The following PHF20L1 variants were observed in gnomAD, a reference collection of about 807,000 sequenced individuals.
The protein encoded by PHF20L1 is PHD finger protein 20-like protein 1.
Under a neutral mutation model 125.5 loss-of-function variants are expected in PHF20L1, and 44 were observed. The observed-to-expected ratio is 0.35, with a 90% CI of 0.28 to 0.45. The LOEUF (loss-of-function observed/expected upper bound fraction) is 0.45. PHF20L1 is among the 20% of genes least tolerant of loss of function. The pLI, the probability that PHF20L1 is intolerant of heterozygous loss-of-function variation, is 1.00. For synonymous variants in PHF20L1, 380 were observed against 403.1 expected, an observed-to-expected ratio of 0.94 and a Z score of 0.69; for missense variants, 1,012 against 1,217.2, an observed-to-expected ratio of 0.83 and a Z score of 2.51.
intron 14 of PHF20L1, 90 bp from the exon 15 acceptor site, chr8:132,832,145 T>C: frequency 1.3e-6 from 1 of 798,962 alleles, no homozygotes; most frequent in Non-Finnish European, 2.1e-6. Context: ...GATTATTTGG[T>C]GTATCCTGAA....
At chr8:132,802,425 C>T (rs1254186038) in intron 6 of PHF20L1, among the ~76,000 whole-genome samples, 1 of 151,676 alleles carries the variant, frequency 6.6e-6, no homozygotes. Context: ...TTGCATTAGT[C>T]TTTCTCTTCA....
intron 1 of PHF20L1, among the ~76,000 whole-genome samples, chr8:132,775,863 C>T (rs888104034): frequency 6.6e-6 from 1 of 152,178 alleles, no homozygotes; most frequent in Non-Finnish European, 1.5e-5. Flanking sequence ...GAGGCTTCTC[C>T]AGCTCCCTGC....
intron 2 of PHF20L1, among the ~76,000 whole-genome samples, chr8:132,791,689 A>C (rs1306351592): frequency 6.6e-6 from 1 of 152,234 alleles, no homozygotes; most frequent in African/African-American, 2.4e-5. Flanking sequence ...AACACCTTTA[A>C]GATTCAAAAT....
intron 6 of PHF20L1, 194 bp from the exon 7 acceptor site, chr8:132,803,625 A>G (rs1833347549): frequency 1.9e-6 from 1 of 534,120 alleles, no homozygotes. Flanking sequence ...GAGGTTATGC[A>G]ATCTAACTCA....
chr8:132,788,316 A>G (rs1252639033), intron 2 of PHF20L1, among the ~76,000 whole-genome samples: 1 of 152,192 alleles, frequency 6.6e-6, no homozygotes, highest in East Asian at 1.9e-4. Flanking sequence ...TGGCTTATCC[A>G]TATAAACAAG....
At chr8:132,804,782 G>T in intron 8 of PHF20L1, 42 bp downstream of exon 8, 1 of 1,515,278 alleles carries the variant, frequency 6.6e-7, no homozygotes. Context: ...GGAAATGGAA[G>T]GTTTAATTTT....
At chr8:132,821,388 G>A (rs963864616) in intron 12 of PHF20L1, among the ~76,000 whole-genome samples, 1 of 151,876 alleles carries the variant, frequency 6.6e-6, no homozygotes. Context: ...TCTAAGTATG[G>A]CAAAAAAGCA....
intron 1 of PHF20L1, among the ~76,000 whole-genome samples, chr8:132,776,615 C>T (rs943724034): frequency 6.6e-6 from 1 of 152,162 alleles, no homozygotes; most frequent in Non-Finnish European, 1.5e-5. Context: ...AGTATTGATG[C>T]TATTTTTTCC....
At chr8:132,806,542 T>G (rs1289547680) in intron 8 of PHF20L1, 3 of 152,016 alleles carry the variant, frequency 2.0e-5, no homozygotes, top group Non-Finnish European at 2.9e-5. Context: ...CTTAGAAAAT[T>G]TAAGTGTGTG....
chr8:132,834,032 G>A (rs183618124), intron 15 of PHF20L1, among the ~76,000 whole-genome samples: 1 of 152,164 alleles, frequency 6.6e-6, no homozygotes, highest in South Asian at 2.1e-4. Flanking sequence ...ACAATTTAAG[G>A]GGTAGTTGCT....
At chr8:132,812,583 T>G (rs917831736) in intron 9 of PHF20L1, 1 of 983,622 alleles carries the variant, frequency 1.0e-6, no homozygotes, top group African/African-American at 1.7e-5. Context: ...TGTAAATTAT[T>G]TTAGATTTTC....
chr8:132,778,591 G>T (rs144171500), intron 2 of PHF20L1, among the ~76,000 whole-genome samples: 370 of 152,306 alleles, frequency 2.4e-3, no homozygotes, highest in African/African-American at 8.5e-3. Context: ...GTTAGGAAAA[G>T]TTGATGAATT....
At chr8:132,776,442 C>G (rs1316069251) in intron 1 of PHF20L1, among the ~76,000 whole-genome samples, 4 of 152,196 alleles carry the variant, frequency 2.6e-5, no homozygotes, top group Non-Finnish European at 4.4e-5. Flanking sequence ...CTGACAAGAC[C>G]TCTATTAAAA....
chr8:132,824,965 TCTTA>T, intron 13 of PHF20L1: 1 of 1,276,334 alleles, frequency 7.8e-7, no homozygotes, highest in Non-Finnish European at 1.0e-6. Flanking sequence ...GAGTTTAACT[TCTTA>T]CCACATCAGG....
intron 2 of PHF20L1, among the ~76,000 whole-genome samples, chr8:132,786,326 A>G (rs565635292): frequency 1.3e-5 from 2 of 152,176 alleles, no homozygotes; most frequent in South Asian, 2.1e-4. Context: ...AGACATTTTA[A>G]TAATAAAACA....
chr8:132,781,229 C>T (rs1354806575), intron 2 of PHF20L1, among the ~76,000 whole-genome samples: 1 of 152,034 alleles, frequency 6.6e-6, no homozygotes, highest in Admixed American at 6.5e-5. Flanking sequence ...AAGTTAAGCT[C>T]TCACTTTTAG....
intron 2 of PHF20L1, among the ~76,000 whole-genome samples, chr8:132,791,734 A>G (rs993108516): frequency 2.0e-5 from 3 of 152,152 alleles, no homozygotes; most frequent in Non-Finnish European, 4.4e-5. Context: ...TAAAATAGAG[A>G]AGAATCTTGG....
At chr8:132,813,772 A>T (rs1214024147) in intron 9 of PHF20L1, among the ~76,000 whole-genome samples, 2 of 152,024 alleles carry the variant, frequency 1.3e-5, no homozygotes, top group East Asian at 3.9e-4. Context: ...TCTTGTTTTG[A>T]AAAATGGACA....
chr8:132,796,159 C>G (rs1215092594), intron 4 of PHF20L1, among the ~76,000 whole-genome samples: 2 of 152,036 alleles, frequency 1.3e-5, no homozygotes, highest in African/African-American at 2.4e-5. Context: ...GATCAAAGTG[C>G]TTTTCTGGTA....
Sources: gnomAD v4.1 joint callset for allele counts (sites outside exome capture counted in the v4.1 genomes callset) on GRCh38, gnomAD v4.1.1 for gene constraint, MANE v1.5 for transcripts, NCBI Gene and HGNC (gene_info 2026-07-23, HGNC 2026-07-21) for gene names.